SLC35F4: variants seen among roughly 807,000 people sequenced by gnomAD.
SLC35F4 encodes the protein solute carrier family 35 member F4, also known as chromosome 14 open reading frame 36.
Under a neutral mutation model 44.2 loss-of-function variants are expected in SLC35F4, and 24 were observed. The ratio of observed to expected loss-of-function variants is 0.54; its 90% CI spans 0.39 to 0.76. The LOEUF (loss-of-function observed/expected upper bound fraction) is 0.76, where lower values mean the gene tolerates loss of function less well. SLC35F4 is among the 30% of genes least tolerant of loss of function. SLC35F4 has a pLI of 0.00. For synonymous variants in SLC35F4, 238 were observed against 223.6 expected, an observed-to-expected ratio of 1.06 and a Z score of -0.57; for missense variants, 562 against 586.1, an observed-to-expected ratio of 0.96 and a Z score of 0.42.
intron 1 of SLC35F4, among the ~76,000 whole-genome samples, chr14:57,858,344 G>A (rs978816284): frequency 2.0e-5 from 3 of 152,032 alleles, no homozygotes; most frequent in Non-Finnish European, 4.4e-5. Flanking sequence ...GGAATACTAT[G>A]AAGCCATCAA....
chr14:57,585,107 T>G (rs958716739), intron 3 of SLC35F4, among the ~76,000 whole-genome samples: 1 of 152,208 alleles, frequency 6.6e-6, no homozygotes, highest in Non-Finnish European at 1.5e-5. Context: ...ATTCTTTAAT[T>G]ATAGCTGAGT....
At chr14:57,651,044 T>C (rs917395723) in intron 1 of SLC35F4, among the ~76,000 whole-genome samples, 1 of 152,168 alleles carries the variant, frequency 6.6e-6, no homozygotes, top group African/African-American at 2.4e-5. Context: ...TTTCCTTTAA[T>C]ATTTAGGCTT....
At chr14:57,932,386 C>G (rs917639052) in intron 1 of SLC35F4, among the ~76,000 whole-genome samples, 4 of 152,108 alleles carry the variant, frequency 2.6e-5, no homozygotes, top group African/African-American at 9.7e-5. Context: ...ATTAGGCAAC[C>G]TGATTTTTTC....
chr14:57,626,369 A>G (rs1392215803), intron 1 of SLC35F4, among the ~76,000 whole-genome samples: 2 of 78,968 alleles, frequency 2.5e-5, no homozygotes, highest in African/African-American at 6.0e-5. Flanking sequence ...AATCTGTAAA[A>G]TGGCAAAAAA....
chr14:57,616,454 C>T (rs982216570), intron 1 of SLC35F4, among the ~76,000 whole-genome samples: 1 of 152,180 alleles, frequency 6.6e-6, no homozygotes, highest in Non-Finnish European at 1.5e-5. Context: ...TTGTGATGTA[C>T]ATGCTCCCCT....
At chr14:57,667,198 G>A (rs1230434867) in intron 1 of SLC35F4, among the ~76,000 whole-genome samples, 1 of 150,110 alleles carries the variant, frequency 6.7e-6, no homozygotes, top group Non-Finnish European at 1.5e-5. Flanking sequence ...GCATGGGGGA[G>A]GGAGGGAAGG....
chr14:57,759,082 T>C (rs2077062920), intron 1 of SLC35F4, among the ~76,000 whole-genome samples: 1 of 152,214 alleles, frequency 6.6e-6, no homozygotes, highest in South Asian at 2.1e-4. Flanking sequence ...TTTTTAAGGC[T>C]GAATAATATT....
At chr14:57,851,196 AACTAAAGTTC>A (rs1259790506) in intron 1 of SLC35F4, among the ~76,000 whole-genome samples, 1 of 152,230 alleles carries the variant, frequency 6.6e-6, no homozygotes, top group African/African-American at 2.4e-5. Flanking sequence ...CTTTAAATAA[AACTAAAGTTC>A]ACTTATATTT....
chr14:57,566,100 C>G (rs2068194152), intron 7 of SLC35F4, among the ~76,000 whole-genome samples: 1 of 152,188 alleles, frequency 6.6e-6, no homozygotes, highest in South Asian at 2.1e-4. Context: ...AGAAGCCAAC[C>G]TCATGTACAT....
intron 1 of SLC35F4, among the ~76,000 whole-genome samples, chr14:57,685,856 C>T (rs1453977174): frequency 1.3e-5 from 2 of 152,328 alleles, no homozygotes; most frequent in Non-Finnish European, 2.9e-5. Context: ...CTGCTGCATA[C>T]TGCCCACCAG....
intron 1 of SLC35F4, among the ~76,000 whole-genome samples, chr14:57,882,995 A>AGGGGAGAGAGGAGGAGG (rs1888568399): frequency 6.8e-6 from 1 of 147,428 alleles, no homozygotes; most frequent in African/African-American, 2.4e-5. Flanking sequence ...TGGAAGAATA[A>AGGGGAGAGAGGAGGAGG]GGGGAGAGAG....
chr14:57,935,278 C>T (rs1234658285), intron 1 of SLC35F4, among the ~76,000 whole-genome samples: 2 of 152,206 alleles, frequency 1.3e-5, no homozygotes, highest in African/African-American at 4.8e-5. Context: ...AACAGATACC[C>T]ACTAAAGAAT....
At chr14:57,572,137 C>T (rs2139708792) in intron 4 of SLC35F4, 118 bp from the exon 5 acceptor site, 1 of 1,183,708 alleles carries the variant, frequency 8.4e-7, no homozygotes, top group East Asian at 2.6e-5. Flanking sequence ...ACCTTTTGTA[C>T]ATCACTTTAA....
intron 1 of SLC35F4, among the ~76,000 whole-genome samples, chr14:57,753,937 C>T (rs527731651): frequency 6.1e-4 from 92 of 152,042 alleles, no homozygotes; most frequent in African/African-American, 2.0e-3. Context: ...CTCTCTGTCC[C>T]CAAATGGGAC....
At chr14:57,570,139 G>T (rs934275201) in intron 5 of SLC35F4, among the ~76,000 whole-genome samples, 159 bp from the exon 6 acceptor site, 1 of 152,172 alleles carries the variant, frequency 6.6e-6, no homozygotes, top group African/African-American at 2.4e-5. Context: ...TTGAGATAAG[G>T]AATTAAAATA....
Position 57,604,666 on chromosome 14 carries a change from G to T in SLC35F4, c.104-10542C>A, listed in dbSNP as rs186991507. 1.5e-4 allele frequency among the ~76,000 whole-genome samples: 23 copies of T among 152,198 alleles called. No homozygotes were observed. The East Asian group carries it at 4.2e-3, about 28-fold the overall frequency. On this transcript the variant is annotated intron_variant, in intron 1 of 7. Transcript: ENST00000556826. ...TAGCTAAAGCAATCCTAAGCAAAAAGAACAAAACCAGAGGCATCACATTAC... is the reference window on the plus strand; with the variant it reads ...TAGCTAAAGCAATCCTAAGCAAAAATAACAAAACCAGAGGCATCACATTAC...
intron 1 of SLC35F4, among the ~76,000 whole-genome samples, chr14:57,766,670 G>C (rs2077242419): frequency 6.6e-6 from 1 of 152,196 alleles, no homozygotes; most frequent in Admixed American, 6.5e-5. Flanking sequence ...TTATTTTATA[G>C]TCATAGGCTA....
chr14:57,740,683 C>T (rs73289938), intron 1 of SLC35F4, among the ~76,000 whole-genome samples: 2 of 152,252 alleles, frequency 1.3e-5, no homozygotes, highest in African/African-American at 4.8e-5. Flanking sequence ...AAGACAAATA[C>T]TTATGGTGAT....
At chr14:57,828,393 A>G (rs1292882182) in intron 1 of SLC35F4, among the ~76,000 whole-genome samples, 1 of 152,170 alleles carries the variant, frequency 6.6e-6, no homozygotes, top group Non-Finnish European at 1.5e-5. Flanking sequence ...AGAGAGTATT[A>G]TAAATAATAA....
Sources: gnomAD v4.1 joint callset for allele counts (sites outside exome capture counted in the v4.1 genomes callset) on GRCh38, gnomAD v4.1.1 for gene constraint, MANE v1.5 for transcripts, NCBI Gene and HGNC (gene_info 2026-07-23, HGNC 2026-07-21) for gene names.